The following HAUS5 variants were observed in gnomAD, a reference collection of about 807,000 sequenced individuals.
The protein encoded by HAUS5 is HAUS augmin like complex subunit 5.
In HAUS5, 67 loss-of-function variants were observed where a neutral mutation model predicts 94.1. The ratio of observed to expected loss-of-function variants is 0.71; its 90% CI spans 0.58 to 0.87. HAUS5 has a LOEUF of 0.87. HAUS5 is among the 40% of genes least tolerant of loss of function. The probability of loss-of-function intolerance (pLI) is 0.00; values close to 1 mark genes in which losing one functional copy is unlikely to be tolerated. For synonymous variants in HAUS5, 339 were observed against 355.4 expected (o/e 0.95, Z 0.52); for missense variants, 739 against 825.6 (o/e 0.90, Z 1.29).
At position 35,618,056 on chromosome 19, in the gene HAUS5, C is replaced by A; in HGVS notation, c.697-15C>A. On this transcript the variant is annotated splice_polypyrimidine_tract_variant and intron_variant, in intron 9 of 18. Transcript: ENST00000203166. ...TGCCCCGATCCTGCCCTGACTTCAC[C>A]CTCCCTCCCCCTAGACGCTGCTGAC... is the stretch of plus-strand genomic sequence containing the variant. 1.9e-6 allele frequency: 3 copies of A among 1,581,650 alleles called. No individual in the cohort carries two copies. The highest frequency in any genetic ancestry group is 2.6e-6 in the Non-Finnish European group (3 of 1,159,822).
At chr19:35,617,055 T>G in intron 6 of HAUS5, 69 bp from the exon 7 acceptor site, 18 of 1,317,498 alleles carry the variant, frequency 1.4e-5, no homozygotes, top group Non-Finnish European at 1.9e-5. Context: ...TTGCTGGCAG[T>G]GAGAGGAGAT....
chr19:35,619,315 T>A, intron 13 of HAUS5, 109 bp from the exon 14 acceptor site: 4 of 897,074 alleles, frequency 4.5e-6, no homozygotes, highest in Non-Finnish European at 6.9e-6. Context: ...CTGGGCCTCC[T>A]AGGCAAGAGC....
At chr19:35,622,543 T>C in intron 17 of HAUS5, 58 bp from the exon 18 acceptor site, 1 of 1,582,106 alleles carries the variant, frequency 6.3e-7, no homozygotes, top group Non-Finnish European at 8.6e-7. Flanking sequence ...GACTCATTGC[T>C]GTAAGGTACC....
In HAUS5 at chr19:35,622,988, A is replaced by G; in HGVS notation, c.1897A>G (p.Ser633Gly). ...QAQGALQKLCS is the reference protein window; with the variant it reads ...QAQGALQKLCG ...CCAGGGGGCCCTGCAGAAGCTGTGC[A>G]GCTGAAGAGAGGGTTCAAACGGAAG... Residue 633 changes from serine to glycine, a missense_variant, in exon 19 of 19, where the codon AGC becomes GGC. Ser to Gly is a moderately conservative substitution (Grantham distance 56, BLOSUM62 0). Transcript: ENST00000203166. 1.9e-6 allele frequency: 3 copies of G among 1,599,642 alleles called. No individual in the cohort carries two copies. Among genetic ancestry groups the G allele is most frequent in the Admixed American group, 1.7e-5 (1 of 59,456 alleles).
intron 14 of HAUS5, 30 bp from the exon 15 acceptor site, chr19:35,619,583 T>TGGC: frequency 5.8e-6 from 9 of 1,553,190 alleles, no homozygotes; most frequent in Non-Finnish European, 7.9e-6. Flanking sequence ...GATGTTGTGA[T>TGGC]GCCCCACCCA....
In HAUS5 at chr19:35,618,090, C is replaced by A. The variant is rs184445723; in HGVS notation, c.716C>A (p.Pro239His). 3 of 1,600,848 alleles carry A rather than the reference C, an allele frequency of 1.9e-6. No individual in the cohort carries two copies. In the African/African-American group the frequency reaches 4.0e-5, roughly 21 times the overall value. Residue 239 changes from proline to histidine, a missense_variant, in exon 10 of 19, where the codon CCC (proline) becomes CAC (histidine). Physicochemically the swap from Pro to His is moderately conservative, Grantham distance 77. Coordinates refer to ENST00000203166, the MANE Select transcript of HAUS5 (RefSeq NM_015302.2). Reference sequence around the variant, plus strand: ...CCCTAGACGCTGCTGACAAACCACCCCCCAGGCCACGTCCTGGCTGCCTTG... The same window carrying A: ...CCCTAGACGCTGCTGACAAACCACCACCCAGGCCACGTCCTGGCTGCCTTG... ...SSVETLLTNHPPGHVLAALEH... is the reference protein window; with the variant it reads ...SSVETLLTNHHPGHVLAALEH...
chr19:35,620,007 C>G lies in HAUS5; in HGVS notation c.1407-5C>G, dbSNP rs190624369. On this transcript the variant is annotated splice_polypyrimidine_tract_variant and splice_region_variant and intron_variant, in intron 15 of 18. Coordinates refer to ENST00000203166, the MANE Select transcript of HAUS5 (RefSeq NM_015302.2). ...CACCCAACCCAGACTTCTCCCCGCC[C>G]GTAGGTTGAAGCCCCTGCCCACGGT... The G allele has an allele frequency of 1.2e-6, 2 of 1,612,386 alleles. No individual in the cohort carries two copies. Among genetic ancestry groups the G allele is most frequent in the East Asian group, 2.2e-5 (1 of 44,822 alleles).
At chr19:35,613,975 C>T in intron 3 of HAUS5, 60 bp from the exon 4 acceptor site, 1 of 1,607,808 alleles carries the variant, frequency 6.2e-7, no homozygotes, top group East Asian at 2.2e-5. Context: ...CAGCATCACA[C>T]CTATTGCCCT....
chr19:35,613,702 G>A (rs1303106944), intron 1 of HAUS5, 28 bp from the exon 2 acceptor site: 1 of 1,607,416 alleles, frequency 6.2e-7, no homozygotes, highest in East Asian at 2.2e-5. Context: ...TGCTGCCCCA[G>A]GCATATGCTT....
intron 1 of HAUS5, 58 bp downstream of exon 1, chr19:35,612,950 G>C: frequency 8.4e-7 from 1 of 1,195,062 alleles, no homozygotes; most frequent in Non-Finnish European, 1.2e-6. Context: ...CTCCGGGAGT[G>C]AGAACTCCAC....
At position 35,617,174 on chromosome 19, in the gene HAUS5, G is replaced by A. The variant is rs373091119; in HGVS notation, c.536G>A (p.Gly179Asp). ...GGATCCCTCACGTCGGCAGCTCTGG[G>A]CCTGGAGCCCGTGGTCCTGGTAAGA... ...TFGSLTSAAL[G>D]LEPVVLRDVR... is the part of the protein sequence containing the mutation. Residue 179 changes from glycine (G) to aspartate (D), a missense_variant, in exon 7 of 19, where the codon GGC (glycine) becomes GAC (aspartate). Coordinates refer to ENST00000203166, the MANE Select transcript of HAUS5 (RefSeq NM_015302.2). 1.5e-5 allele frequency: 24 copies of A among 1,613,958 alleles called. No individual in the cohort carries two copies. In the East Asian group the frequency reaches 3.1e-4, roughly 21 times the overall value.
Position 35,615,368 on chromosome 19 carries a change from G to T in HAUS5, c.467G>T (p.Arg156Leu), listed in dbSNP as rs764338970. ...PMQRLQNQLR[R>L]LQDMERKAKV... is the part of the protein sequence containing the mutation. ...CAGCGGCTGCAGAATCAACTGAGGC[G>T]CCTGCAGGACATGGAGAGGTGGGCC... Residue 156 changes from arginine (R) to leucine (L), a missense_variant, in exon 6 of 19, where the codon CGC (arginine) becomes CTC (leucine). Arg to Leu is a moderately radical substitution (Grantham distance 102). Coordinates refer to ENST00000203166, the MANE Select transcript of HAUS5 (RefSeq NM_015302.2). The T allele has an allele frequency of 5.0e-6, 8 of 1,608,890 alleles. No homozygotes were observed. In the East Asian group the frequency reaches 1.8e-4, roughly 36 times the overall value.
Position 35,622,612 on chromosome 19 carries a change from A to G in HAUS5, c.1663A>G (p.Ile555Val), listed in dbSNP as rs776972894. ...TTTCTCACCCTCAGAGCTGCTGCAG[A>G]TCCAGGCATCCCAGGAAAAACAGCA... The part of the protein sequence containing the change: ...PGLPTQELLQ[I>V]QASQEKQQKE... The change falls in exon 18 of 19, where the codon ATC becomes GTC. Residue 555 changes from isoleucine (I) to valine (V), a missense_variant. Physicochemically the swap from Ile to Val is conservative, Grantham distance 29. Transcript: ENST00000203166. 6.2e-7 allele frequency: 1 copy of G among 1,613,852 alleles called. No individual in the cohort carries two copies. Among genetic ancestry groups the G allele is most frequent in the South Asian group, 1.1e-5 (1 of 91,064 alleles).
chr19:35,618,123 T>C lies in HAUS5; in HGVS notation c.749T>C (p.Leu250Pro). ...PGHVLAALEH[L>P]AAEREAEIRS... Reference sequence around the variant, plus strand: ...CACGTCCTGGCTGCCTTGGAGCACCTGGCTGCAGAGCGGGAGGCAGAGATT... The same window carrying C: ...CACGTCCTGGCTGCCTTGGAGCACCCGGCTGCAGAGCGGGAGGCAGAGATT... Residue 250 changes from leucine to proline, a missense_variant, in exon 10 of 19, where the codon CTG becomes CCG. Leu to Pro is a moderately conservative substitution (Grantham distance 98). Coordinates refer to ENST00000203166, the MANE Select transcript of HAUS5 (RefSeq NM_015302.2). 1 of 1,609,470 alleles carries C rather than the reference T, an allele frequency of 6.2e-7. No individual in the cohort carries two copies. Among genetic ancestry groups the C allele is most frequent in the Non-Finnish European group, 8.5e-7 (1 of 1,176,966 alleles).
intron 11 of HAUS5, 50 bp downstream of exon 11, chr19:35,618,515 C>G: frequency 6.2e-7 from 1 of 1,613,800 alleles, no homozygotes; most frequent in East Asian, 2.2e-5. Context: ...TCCTTAATCC[C>G]CTCACCCATG....
chr19:35,618,772 G>A (rs1967151771), intron 12 of HAUS5, 73 bp downstream of exon 12: 4 of 1,527,990 alleles, frequency 2.6e-6, no homozygotes, highest in Non-Finnish European at 3.5e-6. Context: ...GACTTTTTCA[G>A]CCTCTGTGGC....
chr19:35,617,021 G>T (rs1292338446), intron 6 of HAUS5, 103 bp from the exon 7 acceptor site: 27 of 923,312 alleles, frequency 2.9e-5, no homozygotes, highest in Non-Finnish European at 4.2e-5. Flanking sequence ...CGAGATCTAG[G>T]CTTAGTGATT....
At chr19:35,622,761 A>C in intron 18 of HAUS5, 28 bp downstream of exon 18, 1 of 1,613,766 alleles carries the variant, frequency 6.2e-7, no homozygotes, top group Non-Finnish European at 8.5e-7. Context: ...CGCGGATGGG[A>C]AACAGAAAAG....
In HAUS5 at chr19:35,622,938, A is replaced by C; in HGVS notation, c.1847A>C (p.Gln616Pro). Residue 616 changes from glutamine (Q) to proline (P), a missense_variant, in exon 19 of 19, where the codon CAG (glutamine) becomes CCG (proline). Gln to Pro is a moderately conservative substitution (Grantham distance 76, BLOSUM62 -1). Coordinates refer to ENST00000203166, the MANE Select transcript of HAUS5 (RefSeq NM_015302.2). Reference protein sequence around the residue: ...EELCQGLSLPQWRLRWVQAQG... With the variant: ...EELCQGLSLPPWRLRWVQAQG... ...CTCTGCCAGGGCCTGTCCCTGCCCC[A>C]GTGGCGGCTGCGCTGGGTTCAGGCC... 3 of 1,613,704 alleles carry C rather than the reference A, an allele frequency of 1.9e-6. No homozygotes were observed. The highest frequency in any genetic ancestry group is 2.5e-6 in the Non-Finnish European group (3 of 1,179,898).
Sources: allele counts gnomAD v4.1 joint callset, GRCh38; gene constraint gnomAD v4.1.1; transcripts MANE v1.5; gene names NCBI Gene and HGNC (gene_info 2026-07-23, HGNC 2026-07-21).